FDX1: variants seen among roughly 807,000 people sequenced by gnomAD.
The protein encoded by FDX1 is adrenodoxin, mitochondrial.
A neutral mutation model predicts 14.9 loss-of-function variants in FDX1; 9 were observed. The observed-to-expected ratio is 0.60, with a 90% CI of 0.36 to 1.05. The LOEUF (loss-of-function observed/expected upper bound fraction) is 1.05. Ranked by LOEUF, FDX1 falls within the 50% of genes least tolerant of loss-of-function variation. The pLI is 0.01. For missense variants in FDX1, 204 were observed against 237.2 expected (o/e 0.86, Z 0.92); for synonymous variants, 92 against 99.4 (o/e 0.93, Z 0.44).
In FDX1 at chr11:110,451,467, A is replaced by C. The variant is rs1024154294; in HGVS notation, c.311-5451A>C. Among the ~76,000 whole-genome samples the C allele has an allele frequency of 7.2e-5, 11 of 152,300 alleles. No homozygotes were observed. The East Asian group carries it at 2.1e-3, about 29-fold the overall frequency. On this transcript the variant is annotated intron_variant, in intron 2 of 3. Coordinates refer to ENST00000260270, the MANE Select transcript of FDX1 (RefSeq NM_004109.5). The stretch of plus-strand genomic sequence containing the variant: ...TGTGGTGAGGTTACAGAGAAATATG[A>C]ACACTTTTACACTGTTGGTGGGAAT...
chr11:110,463,641 A>G lies in FDX1; in HGVS notation c.*1173A>G, dbSNP rs2134697083. 1 of 152,360 alleles carries G rather than the reference A, an allele frequency of 6.6e-6. No individual in the cohort carries two copies. Among genetic ancestry groups the G allele is most frequent in the East Asian group, 1.9e-4 (1 of 5,192 alleles). The allele number at this position is 152,360 out of a possible 1,614,324, so 9.4% of individuals were successfully genotyped here. Reference sequence around the variant, plus strand: ...GTATTATTGCAGCTTGATCATTTATATAAATATTTGTCTAGTACAATGCTT... The same window carrying G: ...GTATTATTGCAGCTTGATCATTTATGTAAATATTTGTCTAGTACAATGCTT... On this transcript the variant is annotated 3_prime_UTR_variant, in exon 4 of 4. Coordinates refer to ENST00000260270, the MANE Select transcript of FDX1 (RefSeq NM_004109.5).
At chr11:110,452,655 TG>T (rs1048525520) in intron 2 of FDX1, among the ~76,000 whole-genome samples, 1 of 152,056 alleles carries the variant, frequency 6.6e-6, no homozygotes, top group African/African-American at 2.4e-5. Context: ...TTTAATTTCT[TG>T]GAGAAAATGT....
intron 2 of FDX1, among the ~76,000 whole-genome samples, chr11:110,450,075 G>A (rs1946476733): frequency 6.6e-6 from 1 of 152,114 alleles, no homozygotes; most frequent in Admixed American, 6.5e-5. Flanking sequence ...AACCTTTTTG[G>A]CACTAGGGAC....
chr11:110,435,897 A>T lies in FDX1; in HGVS notation c.249A>T (p.Gly83=). The part of the protein sequence containing the change: ...NRDGETLTTK[G]KVGDSLLDVV... Reference sequence around the variant, plus strand: ...ATGGTGAAACATTAACAACCAAAGGAAAAGTTGGTGATTCTCTGCTAGATG... The same window carrying T: ...ATGGTGAAACATTAACAACCAAAGGTAAAGTTGGTGATTCTCTGCTAGATG... The change falls in exon 2 of 4, where the codon GGA becomes GGT. Residue 83 remains glycine (G), a synonymous_variant. Coordinates refer to ENST00000260270, the MANE Select transcript of FDX1 (RefSeq NM_004109.5). 1.9e-6 allele frequency: 3 copies of T among 1,612,308 alleles called. No individual in the cohort carries two copies. The highest frequency in any genetic ancestry group is 2.5e-6 in the Non-Finnish European group (3 of 1,178,656).
chr11:110,450,262 GT>G (rs1946477916), intron 2 of FDX1, among the ~76,000 whole-genome samples: 1 of 152,036 alleles, frequency 6.6e-6, no homozygotes, highest in Non-Finnish European at 1.5e-5. Flanking sequence ...CCCTGAGTTT[GT>G]TTTCCTGCAA....
intron 1 of FDX1, among the ~76,000 whole-genome samples, chr11:110,434,725 GTTTTTTTT>G (rs56907322): frequency 9.5e-6 from 1 of 105,704 alleles, no homozygotes; most frequent in African/African-American, 3.4e-5. Context: ...GACTTTTTTT[GTTTTTTTT>G]TTTTTTTTTT....
chr11:110,439,272 G>C (rs1249219474), intron 2 of FDX1, among the ~76,000 whole-genome samples: 8 of 151,684 alleles, frequency 5.3e-5, no homozygotes. Flanking sequence ...CAGTGCTACT[G>C]TCTTAGCTCA....
In FDX1 at chr11:110,457,145, G is replaced by A. The variant is rs923593614; in HGVS notation, c.440+98G>A. ...AGACCAGACCCATAAATGTAATAGT[G>A]TTCTACCAGGTTAAATAACAGTCAC... On this transcript the variant is annotated intron_variant, in intron 3 of 3. Coordinates refer to ENST00000260270, the MANE Select transcript of FDX1 (RefSeq NM_004109.5). The A allele has an allele frequency of 3.0e-6, 3 of 1,008,910 alleles. No homozygotes were observed. In the African/African-American group the frequency reaches 4.9e-5, roughly 17 times the overall value. The allele number at this position is 1,008,910 out of a possible 1,614,324, so 62.5% of individuals were successfully genotyped here.
chr11:110,458,648 C>G (rs948083570), intron 3 of FDX1, among the ~76,000 whole-genome samples: 10 of 151,826 alleles, frequency 6.6e-5, no homozygotes, highest in Admixed American at 1.3e-4. Flanking sequence ...TGCTTTGTCA[C>G]CCTTGCTGGA....
intron 2 of FDX1, among the ~76,000 whole-genome samples, chr11:110,441,130 G>C (rs770461717): frequency 6.6e-6 from 1 of 152,220 alleles, no homozygotes; most frequent in Non-Finnish European, 1.5e-5. Context: ...CCTTCTGCCA[G>C]TATTGTGAGG....
intron 2 of FDX1, among the ~76,000 whole-genome samples, chr11:110,437,027 G>A (rs1452690687): frequency 6.6e-6 from 1 of 152,098 alleles, no homozygotes; most frequent in Admixed American, 6.5e-5. Context: ...ACAGGATCTT[G>A]CTCTGTCACC....
intron 3 of FDX1, among the ~76,000 whole-genome samples, chr11:110,457,411 A>G (rs577722746): frequency 1.9e-3 from 205 of 109,744 alleles, no homozygotes; most frequent in African/African-American, 7.8e-3. Flanking sequence ...AGTTTCACCT[A>G]TTAGAACAGA....
At chr11:110,450,307 A>G (rs1946478226) in intron 2 of FDX1, among the ~76,000 whole-genome samples, 1 of 151,758 alleles carries the variant, frequency 6.6e-6, no homozygotes, top group Non-Finnish European at 1.5e-5. Flanking sequence ...GTGATGGGAG[A>G]CAGTAACAGA....
chr11:110,454,761 A>C (rs1480560884), intron 2 of FDX1, among the ~76,000 whole-genome samples: 1 of 152,180 alleles, frequency 6.6e-6, no homozygotes, highest in Non-Finnish European at 1.5e-5. Flanking sequence ...AATTCTTGGA[A>C]CTACTATGTG....
At chr11:110,436,885 CT>C (rs1256461537) in intron 2 of FDX1, among the ~76,000 whole-genome samples, 1 of 151,994 alleles carries the variant, frequency 6.6e-6, no homozygotes, top group African/African-American at 2.4e-5. Context: ...GAATGGCTAT[CT>C]TTCTTATTAG....
intron 2 of FDX1, among the ~76,000 whole-genome samples, chr11:110,436,625 G>A (rs1216771319): frequency 8.4e-6 from 1 of 119,444 alleles, no homozygotes; most frequent in Non-Finnish European, 1.6e-5. Flanking sequence ...ACAAAGTCTG[G>A]GGTAGGTCCA....
At chr11:110,454,912 A>T (rs58067419) in intron 2 of FDX1, among the ~76,000 whole-genome samples, 1,727 of 152,298 alleles carry the variant, frequency 0.011, 32 homozygotes, top group African/African-American at 0.039. Flanking sequence ...GAACTTCACT[A>T]TATGGTCTCC....
intron 3 of FDX1, among the ~76,000 whole-genome samples, chr11:110,459,152 G>A (rs1946541337): frequency 6.6e-6 from 1 of 152,150 alleles, no homozygotes; most frequent in Non-Finnish European, 1.5e-5. Context: ...TTGGATGATT[G>A]TAATTGCTCC....
At chr11:110,447,215 G>T (rs1946455943) in intron 2 of FDX1, among the ~76,000 whole-genome samples, 1 of 135,472 alleles carries the variant, frequency 7.4e-6, no homozygotes, top group South Asian at 2.5e-4. Flanking sequence ...GGATCACGAG[G>T]TCAAGAGATT....
Sources: allele counts gnomAD v4.1 joint callset (sites outside exome capture counted in the v4.1 genomes callset), GRCh38; gene constraint gnomAD v4.1.1; transcripts MANE v1.5; gene names NCBI Gene and HGNC (gene_info 2026-07-23, HGNC 2026-07-21).